Variants in HSD17B12 observed in about 807,000 individuals in gnomAD.
HSD17B12 encodes hydroxysteroid 17-beta dehydrogenase 12, also known as very-long-chain 3-oxoacyl-CoA reductase.
In HSD17B12, 32 loss-of-function variants were observed where a neutral mutation model predicts 39.3. The observed-to-expected ratio is 0.81, with a 90% CI of 0.61 to 1.09. The LOEUF (loss-of-function observed/expected upper bound fraction) is 1.09, where lower values mean the gene tolerates loss of function less well. Ranked by LOEUF, HSD17B12 falls within the 50% of genes least tolerant of loss-of-function variation. The probability of loss-of-function intolerance (pLI) is 0.00; values close to 1 mark genes in which losing one functional copy is unlikely to be tolerated. For synonymous variants in HSD17B12, 150 were observed against 146.7 expected (o/e 1.02, Z -0.16); for missense variants, 342 against 382.9 (o/e 0.89, Z 0.89).
chr11:43,826,255 T>C (rs1298171769), intron 6 of HSD17B12, among the ~76,000 whole-genome samples: 1 of 151,964 alleles, frequency 6.6e-6, no homozygotes, highest in Non-Finnish European at 1.5e-5. Flanking sequence ...GCTAATTTTT[T>C]TGTATTTTTA....
At chr11:43,751,107 A>G in intron 2 of HSD17B12, 150 bp downstream of exon 2, 4 of 517,882 alleles carry the variant, frequency 7.7e-6, no homozygotes, top group South Asian at 3.4e-5. Flanking sequence ...CCTTGTTGGA[A>G]ATACCATATT....
the HSD17B12 span, chr11:43,569,444 G>T: frequency 2.0e-5 from 3 of 152,150 alleles, no homozygotes; most frequent in South Asian, 4.1e-4. Context: ...CTCAGCTATG[G>T]GTGGAAGCAG....
At chr11:43,583,519 C>A in the HSD17B12 span, among the ~76,000 whole-genome samples, 1 of 152,122 alleles carries the variant, frequency 6.6e-6, no homozygotes, top group Non-Finnish European at 1.5e-5. Flanking sequence ...AAGGAAGAGA[C>A]CCCTTCCCCC....
At chr11:43,844,840 G>T (rs1384596706) in intron 9 of HSD17B12, among the ~76,000 whole-genome samples, 1 of 152,194 alleles carries the variant, frequency 6.6e-6, no homozygotes, top group African/African-American at 2.4e-5. Context: ...TAAAAATAGT[G>T]CAGACAATAC....
At chr11:43,824,234 C>T (rs951445225) in intron 6 of HSD17B12, among the ~76,000 whole-genome samples, 5 of 152,202 alleles carry the variant, frequency 3.3e-5, no homozygotes, top group African/African-American at 9.6e-5. Flanking sequence ...TTTACATTAC[C>T]TCTCTGACCT....
chr11:43,593,959 C>A, the HSD17B12 span, among the ~76,000 whole-genome samples: 3 of 151,998 alleles, frequency 2.0e-5, no homozygotes, highest in Non-Finnish European at 4.4e-5. Context: ...GGAAATATTT[C>A]TAATCAATAT....
At chr11:43,780,740 A>G (rs1950757113) in intron 3 of HSD17B12, among the ~76,000 whole-genome samples, 2 of 152,136 alleles carry the variant, frequency 1.3e-5, no homozygotes, top group Non-Finnish European at 2.9e-5. Flanking sequence ...TCTTTAATGC[A>G]TTACTCACAT....
chr11:43,827,475 C>A (rs191739840), intron 6 of HSD17B12, among the ~76,000 whole-genome samples: 1 of 152,050 alleles, frequency 6.6e-6, no homozygotes. Context: ...TGATTACTGA[C>A]GCTACAGGAG....
chr11:43,779,413 C>T (rs550988890), intron 3 of HSD17B12, among the ~76,000 whole-genome samples: 30 of 152,282 alleles, frequency 2.0e-4, no homozygotes, highest in Non-Finnish European at 3.5e-4. Flanking sequence ...GGGAAATAAA[C>T]TTACAACATT....
At chr11:43,700,660 G>C (rs1590671560) in intron 1 of HSD17B12, among the ~76,000 whole-genome samples, 1 of 152,218 alleles carries the variant, frequency 6.6e-6, no homozygotes, top group Non-Finnish European at 1.5e-5. Context: ...GTAAATGACT[G>C]GAACTCATTC....
intron 3 of HSD17B12, among the ~76,000 whole-genome samples, chr11:43,772,036 A>G (rs78376416): frequency 7.1e-6 from 1 of 141,092 alleles, no homozygotes; most frequent in African/African-American, 2.6e-5. Flanking sequence ...ATATATATAT[A>G]TCTCTGTCTC....
chr11:43,852,863 T>TTA (rs1216706542), intron 9 of HSD17B12: 4 of 152,274 alleles, frequency 2.6e-5, no homozygotes, highest in African/African-American at 9.6e-5. Context: ...TACTTCATAC[T>TTA]TAGTATGAGT....
intron 3 of HSD17B12, among the ~76,000 whole-genome samples, chr11:43,779,690 G>A (rs1950745540): frequency 6.6e-6 from 1 of 152,254 alleles, no homozygotes; most frequent in African/African-American, 2.4e-5. Flanking sequence ...TTGAATGTAA[G>A]GCGAGTTTAA....
intron 4 of HSD17B12, among the ~76,000 whole-genome samples, chr11:43,802,207 C>T (rs1209104004): frequency 6.6e-6 from 1 of 151,868 alleles, no homozygotes; most frequent in East Asian, 1.9e-4. Flanking sequence ...AGGGTGGTCT[C>T]GATCTCCTGA....
At chr11:43,706,725 G>GTGTGTTGT (rs1325962959) in intron 1 of HSD17B12, among the ~76,000 whole-genome samples, 3 of 76,252 alleles carry the variant, frequency 3.9e-5, no homozygotes, top group Non-Finnish European at 9.0e-5. Context: ...TGTGTGTTGT[G>GTGTGTTGT]GGGGGTGGGT....
At chr11:43,754,629 A>G (rs1190958578) in intron 3 of HSD17B12, among the ~76,000 whole-genome samples, 1 of 152,162 alleles carries the variant, frequency 6.6e-6, no homozygotes, top group South Asian at 2.1e-4. Context: ...GGTGATTGTA[A>G]TTTGCTTAAA....
At chr11:43,636,274 C>G in the HSD17B12 span, among the ~76,000 whole-genome samples, 1 of 152,132 alleles carries the variant, frequency 6.6e-6, no homozygotes, top group Admixed American at 6.5e-5. Flanking sequence ...TTTTAGTAGA[C>G]CGGAAGCCTT....
the HSD17B12 span, among the ~76,000 whole-genome samples, chr11:43,667,242 C>T: frequency 6.6e-6 from 1 of 152,172 alleles, no homozygotes; most frequent in East Asian, 1.9e-4. Context: ...ACCTCCGCCT[C>T]CCAGGTTCAA....
chr11:43,664,907 C>T, the HSD17B12 span, among the ~76,000 whole-genome samples: 10 of 152,108 alleles, frequency 6.6e-5, no homozygotes, highest in Non-Finnish European at 1.0e-4. Flanking sequence ...CTAACATTTG[C>T]ATTTAAAAGA....
Sources: allele counts gnomAD v4.1 joint callset (sites outside exome capture counted in the v4.1 genomes callset), GRCh38; gene constraint gnomAD v4.1.1; transcripts MANE v1.5; gene names NCBI Gene and HGNC (gene_info 2026-07-23, HGNC 2026-07-21).